The following RIMS3 variants were observed in gnomAD, a reference collection of about 807,000 sequenced individuals.
RIMS3 encodes the protein regulating synaptic membrane exocytosis protein 3.
RIMS3 carries 15 observed loss-of-function variants against 29.2 expected under a neutral mutation model. The ratio of observed to expected loss-of-function variants is 0.51; its 90% CI spans 0.34 to 0.79. The LOEUF (loss-of-function observed/expected upper bound fraction) is 0.79. Ranked by LOEUF, RIMS3 falls within the 30% of genes least tolerant of loss-of-function variation. RIMS3 has a pLI of 0.01. For missense variants in RIMS3, 342 were observed against 421.4 expected, an observed-to-expected ratio of 0.81 and a Z score of 1.65; for synonymous variants, 161 against 170.1, an observed-to-expected ratio of 0.95 and a Z score of 0.41.
chr1:40,645,640 C>T (rs949375199), intron 2 of RIMS3, among the ~76,000 whole-genome samples: 1 of 152,152 alleles, frequency 6.6e-6, no homozygotes, highest in Admixed American at 6.5e-5. Context: ...CAGTAGAAAT[C>T]CCAACCGGAC....
chr1:40,676,932 C>G, the RIMS3 span, among the ~76,000 whole-genome samples: 9 of 152,262 alleles, frequency 5.9e-5, no homozygotes, highest in Admixed American at 1.3e-4. Flanking sequence ...CCCTCTACCC[C>G]CTTAGGACAA....
intron 1 of RIMS3, among the ~76,000 whole-genome samples, chr1:40,661,623 C>T (rs1403797016): frequency 2.0e-5 from 3 of 152,238 alleles, no homozygotes; most frequent in Non-Finnish European, 2.9e-5. Flanking sequence ...AGCCCCCACA[C>T]AACAGAGTAA....
At chr1:40,684,943 T>C in the RIMS3 span, among the ~76,000 whole-genome samples, 1 of 152,168 alleles carries the variant, frequency 6.6e-6, no homozygotes, top group Non-Finnish European at 1.5e-5. Context: ...GGAGAAGCCA[T>C]AGACTCCATG....
the RIMS3 span, among the ~76,000 whole-genome samples, chr1:40,676,650 C>G: frequency 2.6e-5 from 4 of 152,182 alleles, no homozygotes; most frequent in Admixed American, 2.6e-4. Context: ...AAAAGTGCCA[C>G]TCCAGGAAGA....
At chr1:40,667,023 C>CA (rs1553146374), upstream of RIMS3, among the ~76,000 whole-genome samples, 1 of 151,002 alleles carries the variant, frequency 6.6e-6, no homozygotes, top group Non-Finnish European at 1.5e-5. Flanking sequence ...AACTCTGTCT[C>CA]AAAAAAAAGT....
At chr1:40,631,002 G>C (rs551310741) in intron 5 of RIMS3, among the ~76,000 whole-genome samples, 45 of 152,204 alleles carry the variant, frequency 3.0e-4, no homozygotes, top group Non-Finnish European at 5.3e-4. Flanking sequence ...TCCTGGCCTG[G>C]AGTGGAACCC....
At chr1:40,689,228 T>C in the RIMS3 span, among the ~76,000 whole-genome samples, 2 of 152,232 alleles carry the variant, frequency 1.3e-5, no homozygotes, top group South Asian at 2.1e-4. Context: ...AAAGATAATA[T>C]GGCAAAATTG....
intron 1 of RIMS3, among the ~76,000 whole-genome samples, chr1:40,658,561 C>A (rs1642304168): frequency 6.6e-6 from 1 of 152,162 alleles, no homozygotes; most frequent in African/African-American, 2.4e-5. Flanking sequence ...ATGACTGGAC[C>A]AGGGTGGGCA....
At chr1:40,642,650 T>C (rs1205065011) in intron 2 of RIMS3, among the ~76,000 whole-genome samples, 1 of 152,188 alleles carries the variant, frequency 6.6e-6, no homozygotes, top group East Asian at 1.9e-4. Flanking sequence ...TATCCTACTA[T>C]TTTTTCATTT....
chr1:40,678,402 C>T, the RIMS3 span, among the ~76,000 whole-genome samples: 1 of 152,138 alleles, frequency 6.6e-6, no homozygotes, highest in African/African-American at 2.4e-5. Flanking sequence ...AGTGAGACTC[C>T]ATCTCAAACA....
chr1:40,682,679 T>C, the RIMS3 span, among the ~76,000 whole-genome samples: 3 of 151,566 alleles, frequency 2.0e-5, no homozygotes, highest in South Asian at 2.1e-4. Context: ...TACTTCTCTG[T>C]CTTAATTCAC....
At chr1:40,632,421 TATATATATATATATATATATATA>T in intron 5 of RIMS3, among the ~76,000 whole-genome samples, 1 of 6,312 alleles carries the variant, frequency 1.6e-4, no homozygotes, top group Middle Eastern at 0.062. Flanking sequence ...TATAAATTTA[TATATATATATATATATATATATA>T]TATATATATA....
upstream of RIMS3, among the ~76,000 whole-genome samples, chr1:40,668,166 G>C (rs918066713): frequency 6.7e-6 from 1 of 149,980 alleles, no homozygotes; most frequent in African/African-American, 2.5e-5. Flanking sequence ...CAGGAGAATC[G>C]CTTGAACCCA....
At chr1:40,688,877 T>C in the RIMS3 span, among the ~76,000 whole-genome samples, 7 of 152,320 alleles carry the variant, frequency 4.6e-5, no homozygotes, top group Middle Eastern at 3.4e-3. Flanking sequence ...GCTGACGAGA[T>C]TGATTAGGTT....
Position 40,635,261 on chromosome 1 carries a change from C to G in RIMS3, c.359+655G>C, listed in dbSNP as rs1299635277. Among the ~76,000 whole-genome samples, 2 of 152,198 alleles carry G rather than the reference C, an allele frequency of 1.3e-5. No individual in the cohort carries two copies. The highest frequency in any genetic ancestry group is 2.9e-5 in the Non-Finnish European group (2 of 68,034). On this transcript the variant is annotated intron_variant, in intron 4 of 7. Coordinates refer to ENST00000372684, the MANE Select transcript of RIMS3 (RefSeq NM_014747.3). This position sits in a 1 kb window ranked among gnomAD's most constrained non-coding sequence, Gnocchi z 4.1. ...TCTGTGGGAATATCTAAACCAGTGA[C>G]TTTCAGATTTTTTAATGCAACCTAC...
At chr1:40,676,402 C>T in the RIMS3 span, among the ~76,000 whole-genome samples, 1 of 152,166 alleles carries the variant, frequency 6.6e-6, no homozygotes, top group Non-Finnish European at 1.5e-5. Context: ...AGCGTGGTGG[C>T]TGGTTAAAGA....
chr1:40,627,065 G>A (rs567133306), intron 7 of RIMS3, among the ~76,000 whole-genome samples: 1 of 152,278 alleles, frequency 6.6e-6, no homozygotes, highest in African/African-American at 2.4e-5. Flanking sequence ...ATTAGGACCT[G>A]GGTGTGTGAC....
chr1:40,629,206 C>G (rs1646473193), intron 6 of RIMS3, 65 bp downstream of exon 6: 2 of 1,397,010 alleles, frequency 1.4e-6, no homozygotes, highest in African/African-American at 2.8e-5. Flanking sequence ...AGCTGAGGAC[C>G]TGCTAGACCC....
chr1:40,685,127 G>C, the RIMS3 span, among the ~76,000 whole-genome samples: 2 of 151,696 alleles, frequency 1.3e-5, no homozygotes, highest in African/African-American at 2.4e-5. Flanking sequence ...GGTCAGACTG[G>C]GTCATGTTCC....
Sources: allele counts gnomAD v4.1 joint callset (sites outside exome capture counted in the v4.1 genomes callset), GRCh38; gene constraint gnomAD v4.1.1; non-coding constraint Gnocchi (gnomAD v3.1); transcripts MANE v1.5; gene names NCBI Gene and HGNC (gene_info 2026-07-23, HGNC 2026-07-21).